MINPP1: variants seen among roughly 807,000 people sequenced by gnomAD.
The protein encoded by MINPP1 is multiple inositol polyphosphate phosphatase 1.
Under a neutral mutation model 46.1 loss-of-function variants are expected in MINPP1, and 28 were observed. The observed-to-expected ratio is 0.61, with a 90% CI of 0.45 to 0.83. The LOEUF is 0.83. Ranked by LOEUF, MINPP1 falls within the 40% of genes least tolerant of loss-of-function variation. The pLI is 0.00. For missense variants in MINPP1, 603 were observed against 610.0 expected, an observed-to-expected ratio of 0.99 and a Z score of 0.12; for synonymous variants, 268 against 249.1, an observed-to-expected ratio of 1.08 and a Z score of -0.72.
intron 4 of MINPP1, among the ~76,000 whole-genome samples, chr10:87,548,852 A>G (rs1232905050): frequency 6.6e-6 from 1 of 152,130 alleles, no homozygotes. Flanking sequence ...AATTTGTATA[A>G]TAGACATTGC....
At chr10:87,535,136 A>T (rs1215302050) in intron 4 of MINPP1, among the ~76,000 whole-genome samples, 1 of 152,252 alleles carries the variant, frequency 6.6e-6, no homozygotes, top group Admixed American at 6.5e-5. Context: ...TTCTGTGTGG[A>T]TGTAAGATGT....
At chr10:87,507,541 A>AT (rs531549854) in intron 1 of MINPP1, among the ~76,000 whole-genome samples, 40 of 152,234 alleles carry the variant, frequency 2.6e-4, no homozygotes, top group African/African-American at 9.2e-4. Context: ...ACTATATTCA[A>AT]TTTTCTCATA....
At chr10:87,544,808 C>G (rs1589385882) in intron 4 of MINPP1, among the ~76,000 whole-genome samples, 1 of 151,994 alleles carries the variant, frequency 6.6e-6, no homozygotes, top group Non-Finnish European at 1.5e-5. Flanking sequence ...TTCTAGTTTG[C>G]CCTTGAACCA....
chr10:87,508,191 G>T, intron 1 of MINPP1, 145 bp from the exon 2 acceptor site: 4 of 1,547,104 alleles, frequency 2.6e-6, no homozygotes, highest in Non-Finnish European at 3.5e-6. Context: ...TACCCCAAGA[G>T]TTTCCTGACC....
intron 4 of MINPP1, among the ~76,000 whole-genome samples, chr10:87,524,792 T>C (rs118042000): frequency 0.028 from 4,296 of 152,174 alleles, 80 homozygotes; most frequent in East Asian, 0.058. Context: ...TCAGAACATA[T>C]ACAACATTTA....
intron 4 of MINPP1, among the ~76,000 whole-genome samples, chr10:87,529,921 C>G (rs1421161680): frequency 1.3e-5 from 2 of 152,132 alleles, no homozygotes; most frequent in African/African-American, 4.8e-5. Flanking sequence ...TCTTTTTTCT[C>G]TAAACTTCTC....
chr10:87,546,310 A>T (rs549229407), intron 4 of MINPP1, among the ~76,000 whole-genome samples: 1 of 152,272 alleles, frequency 6.6e-6, no homozygotes, highest in South Asian at 2.1e-4. Context: ...CACGGCACAG[A>T]TGGGAGTGTC....
intron 3 of MINPP1, among the ~76,000 whole-genome samples, chr10:87,519,104 A>G (rs1225842245): frequency 6.8e-6 from 1 of 147,012 alleles, no homozygotes; most frequent in African/African-American, 2.5e-5. Context: ...CTGGAGGCCT[A>G]ACACACCCAG....
intron 4 of MINPP1, among the ~76,000 whole-genome samples, chr10:87,522,708 G>T (rs543897830): frequency 6.6e-6 from 1 of 152,214 alleles, no homozygotes; most frequent in Non-Finnish European, 1.5e-5. Flanking sequence ...GCTGCTGACT[G>T]ATGAGAGTGG....
chr10:87,528,574 C>T (rs1381163416), intron 4 of MINPP1, among the ~76,000 whole-genome samples: 3 of 151,870 alleles, frequency 2.0e-5, no homozygotes, highest in Admixed American at 6.6e-5. Context: ...GTCTGAGAGA[C>T]AGTTTGTTAT....
intron 4 of MINPP1, among the ~76,000 whole-genome samples, chr10:87,538,006 T>G (rs1372747130): frequency 6.6e-6 from 1 of 152,036 alleles, no homozygotes; most frequent in East Asian, 1.9e-4. Flanking sequence ...TTTCTCACTG[T>G]GTTGCCCAGG....
At chr10:87,548,477 C>T (rs1474882199) in intron 4 of MINPP1, among the ~76,000 whole-genome samples, 5 of 152,086 alleles carry the variant, frequency 3.3e-5, no homozygotes, top group Admixed American at 2.6e-4. Flanking sequence ...CTTATTTGCC[C>T]AGGGGCTTTT....
chr10:87,537,510 TTTGTGTGTGTGTGTGTG>T (rs1334307350), intron 4 of MINPP1, among the ~76,000 whole-genome samples: 8 of 117,844 alleles, frequency 6.8e-5, no homozygotes, highest in Admixed American at 3.3e-4. Context: ...TTTATTACTG[TTTGTGTGTGTGTGTGTG>T]TGTGTGTGTG....
At chr10:87,531,329 C>G (rs896920864) in intron 4 of MINPP1, among the ~76,000 whole-genome samples, 1 of 152,220 alleles carries the variant, frequency 6.6e-6, no homozygotes, top group Non-Finnish European at 1.5e-5. Context: ...TCCTCCTCAT[C>G]ATCTTGCTTA....
rs1851215694 is a variant in MINPP1, at chr10:87,504,985, C to T, written c.70C>T (p.Leu24Phe). ...TGCCGCGGCCCTGGCTGCGGCGCTG[C>T]TCTCGTCGCTTGCGCGCTGCTCTCT... ...APAAALAAAL[L>F]SSLARCSLLE... The change falls in exon 1 of 5, where the codon CTC becomes TTC. Residue 24 changes from leucine to phenylalanine, a missense_variant. Leu to Phe is a conservative substitution (Grantham distance 22, BLOSUM62 0). Transcript: ENST00000371996. 6 of 1,612,506 alleles carry T rather than the reference C, an allele frequency of 3.7e-6. No individual in the cohort carries two copies. Among genetic ancestry groups the T allele is most frequent in the Non-Finnish European group, 5.1e-6 (6 of 1,179,730 alleles).
intron 4 of MINPP1, among the ~76,000 whole-genome samples, chr10:87,537,513 G>C (rs34394398): frequency 0.15 from 6,707 of 45,462 alleles, 293 homozygotes; most frequent in African/African-American, 0.17. Flanking sequence ...ATTACTGTTT[G>C]TGTGTGTGTG....
chr10:87,515,030 A>T (rs1375727935), intron 3 of MINPP1, among the ~76,000 whole-genome samples: 1 of 151,966 alleles, frequency 6.6e-6, no homozygotes, highest in Non-Finnish European at 1.5e-5. Context: ...ATGTTTGATC[A>T]TTAGATTACA....
At chr10:87,547,645 A>G (rs772388679) in intron 4 of MINPP1, among the ~76,000 whole-genome samples, 4 of 152,218 alleles carry the variant, frequency 2.6e-5, no homozygotes, top group African/African-American at 4.8e-5. Context: ...ATGCTATTCA[A>G]TGAAATGAGT....
At chr10:87,551,720 C>G (rs1851965886) in intron 4 of MINPP1, among the ~76,000 whole-genome samples, 1 of 152,024 alleles carries the variant, frequency 6.6e-6, no homozygotes. Context: ...TACTAAGGGC[C>G]AGGTTGCTCA....
Sources: gnomAD v4.1 joint callset for allele counts (sites outside exome capture counted in the v4.1 genomes callset) on GRCh38, gnomAD v4.1.1 for gene constraint, MANE v1.5 for transcripts, NCBI Gene and HGNC (gene_info 2026-07-23, HGNC 2026-07-21) for gene names.